The following IQSEC2 variants were observed in gnomAD, a reference collection of about 807,000 sequenced individuals.
The protein encoded by IQSEC2 is IQ motif and Sec7 domain ArfGEF 2.
IQSEC2 carries 6 observed loss-of-function variants against 74.6 expected under a neutral mutation model. The observed-to-expected ratio is 0.08, with a 90% confidence interval of 0.04 to 0.16. The LOEUF is 0.16. Among genes scored for constraint, IQSEC2 ranks in the 10% least tolerant of loss-of-function variants. The pLI is 1.00. For missense variants in IQSEC2, 734 were observed against 1,306.2 expected, an observed-to-expected ratio of 0.56 and a Z score of 6.75; for synonymous variants, 494 against 544.5, an observed-to-expected ratio of 0.91 and a Z score of 1.29.
At chrX:53,305,242 C>T (rs782662106) in intron 1 of IQSEC2, among the ~76,000 whole-genome samples, 46 of 109,877 alleles carry the variant, frequency 4.2e-4, no homozygotes, top group Non-Finnish European at 7.4e-4. Flanking sequence ...TAGACAGGGT[C>T]TCATTCTGTC....
intron 2 of IQSEC2, among the ~76,000 whole-genome samples, chrX:53,262,101 G>C (rs1227443692): frequency 2.7e-5 from 3 of 112,451 alleles, no homozygotes; most frequent in Non-Finnish European, 1.9e-5. Flanking sequence ...CTGCCCGGAA[G>C]GCTTCCTGGG....
Position 53,234,129 on chromosome X carries a change from T to C in IQSEC2, c.*90A>G. 1 of 375,359 alleles carries C rather than the reference T, an allele frequency of 2.7e-6. No homozygotes were observed. Among genetic ancestry groups the C allele is most frequent in the Non-Finnish European group, 4.6e-6 (1 of 219,594 alleles). The allele number at this position is 375,359 out of a possible 1,213,427, so 30.9% of individuals were successfully genotyped here. ...GACATTGCTATGTGTATATATATTT[T>C]TGAAAAAACCGAGGAAGCAAAGAGG... On this transcript the variant is annotated 3_prime_UTR_variant, in exon 15 of 15. Transcript: ENST00000642864.
Position 53,250,275 on chromosome X carries a change from G to A in IQSEC2, c.2297+4C>T, listed in dbSNP as rs781794155. 6.1e-5 allele frequency: 74 copies of A among 1,208,488 alleles called. No individual in the cohort carries two copies. The highest frequency in any genetic ancestry group is 3.4e-6 in the Non-Finnish European group (3 of 894,655). On this transcript the variant is annotated splice_donor_region_variant and intron_variant, in intron 5 of 14. Coordinates refer to ENST00000642864, the MANE Select transcript of IQSEC2 (RefSeq NM_001111125.3). ...GTAAGCAGGCTAGAACGGGGAGCACGCACTTGTTGAAGAGGTTGAGGCCGA... is the reference window on the plus strand; with the variant it reads ...GTAAGCAGGCTAGAACGGGGAGCACACACTTGTTGAAGAGGTTGAGGCCGA...
chrX:53,258,395 C>T (rs987305422), intron 2 of IQSEC2, among the ~76,000 whole-genome samples: 2 of 112,024 alleles, frequency 1.8e-5, no homozygotes, highest in South Asian at 7.4e-4. Context: ...ACAGAGCACA[C>T]GGCCTGGAAC....
At chrX:53,272,484 T>C (rs1242408854) in intron 2 of IQSEC2, among the ~76,000 whole-genome samples, 1 of 111,532 alleles carries the variant, frequency 9.0e-6, no homozygotes, top group Admixed American at 9.5e-5. Context: ...GGAACTAGGC[T>C]CAGAAACGTG....
intron 1 of IQSEC2, among the ~76,000 whole-genome samples, chrX:53,293,021 G>C (rs2075116797): frequency 8.9e-6 from 1 of 112,426 alleles, no homozygotes; most frequent in South Asian, 3.7e-4. Flanking sequence ...TCTGTCCTCA[G>C]CTGAGAGAGC....
chrX:53,270,015 A>T (rs1338425972), intron 2 of IQSEC2, among the ~76,000 whole-genome samples: 3 of 109,666 alleles, frequency 2.7e-5, no homozygotes, highest in African/African-American at 1.0e-4. Flanking sequence ...TTTTTCAGTG[A>T]TCTCATTCCA....
chrX:53,272,669 C>T (rs1176169761), intron 2 of IQSEC2, among the ~76,000 whole-genome samples: 1 of 111,447 alleles, frequency 9.0e-6, no homozygotes, highest in Admixed American at 9.5e-5. Flanking sequence ...TACTTGGAAT[C>T]CCTTTCCCAG....
intron 2 of IQSEC2, among the ~76,000 whole-genome samples, chrX:53,287,637 T>G (rs782018515): frequency 4.3e-4 from 49 of 112,730 alleles, no homozygotes; most frequent in Non-Finnish European, 7.9e-4. Context: ...CTGAGCTCTG[T>G]GCAGCCTCCC....
At chrX:53,246,909 C>T in intron 8 of IQSEC2, 60 bp downstream of exon 8, 2 of 1,058,202 alleles carry the variant, frequency 1.9e-6, no homozygotes, top group Admixed American at 2.3e-5. Context: ...TGCATCCTTC[C>T]CCTTACCCCC....
chrX:53,319,129 G>C (rs782415713), intron 1 of IQSEC2, among the ~76,000 whole-genome samples: 12 of 112,461 alleles, frequency 1.1e-4, no homozygotes, highest in Non-Finnish European at 1.5e-4. Flanking sequence ...CCACGGGGGA[G>C]TTGCAGAGAG....
chrX:53,253,749 C>G (rs1437276212), intron 4 of IQSEC2, among the ~76,000 whole-genome samples: 2 of 111,513 alleles, frequency 1.8e-5, no homozygotes, highest in Admixed American at 1.9e-4. Flanking sequence ...CCATTTCCCA[C>G]TGCCCTGGGA....
At chrX:53,287,998 G>A (rs948826835) in intron 2 of IQSEC2, among the ~76,000 whole-genome samples, 2 of 112,035 alleles carry the variant, frequency 1.8e-5, no homozygotes, top group Admixed American at 1.9e-4. Flanking sequence ...GGGCTGGCCC[G>A]AGCTGGCTCA....
At chrX:53,316,557 G>A (rs60928961) in intron 1 of IQSEC2, among the ~76,000 whole-genome samples, 17,102 of 110,471 alleles carry the variant, frequency 0.15, 1,290 homozygotes, top group African/African-American at 0.29. Flanking sequence ...ACGTTGGGCC[G>A]GGCGTGGTGG....
intron 2 of IQSEC2, among the ~76,000 whole-genome samples, chrX:53,271,298 G>A (rs1556868622): frequency 3.6e-5 from 4 of 112,165 alleles, no homozygotes; most frequent in Admixed American, 9.5e-5. Flanking sequence ...AAATCCGCAG[G>A]GAAATGAGTA....
intron 1 of IQSEC2, among the ~76,000 whole-genome samples, chrX:53,307,689 G>C (rs1228516367): frequency 9.3e-6 from 1 of 107,736 alleles, no homozygotes; most frequent in Non-Finnish European, 1.9e-5. Flanking sequence ...CAGGTCACTT[G>C]AGGTCAGGGG....
At chrX:53,284,667 G>A (rs1556871461) in intron 2 of IQSEC2, among the ~76,000 whole-genome samples, 1 of 111,600 alleles carries the variant, frequency 9.0e-6, no homozygotes, top group Non-Finnish European at 1.9e-5. Context: ...GTGTTCAGAT[G>A]CCTGCTGCCC....
At chrX:53,293,170 G>C (rs782317553) in intron 1 of IQSEC2, among the ~76,000 whole-genome samples, 26 of 112,367 alleles carry the variant, frequency 2.3e-4, no homozygotes, top group African/African-American at 8.4e-4. Flanking sequence ...TGGCGAGGTG[G>C]GGCAGGCAAG....
chrX:53,257,731 C>G (rs2074498815), intron 2 of IQSEC2, among the ~76,000 whole-genome samples: 1 of 112,336 alleles, frequency 8.9e-6, no homozygotes, highest in African/African-American at 3.2e-5. Context: ...GATACAACAG[C>G]TAATATTTAT....
Sources: gnomAD v4.1 joint callset for allele counts (sites outside exome capture counted in the v4.1 genomes callset) on GRCh38, gnomAD v4.1.1 for gene constraint, MANE v1.5 for transcripts, NCBI Gene and HGNC (gene_info 2026-07-23, HGNC 2026-07-21) for gene names.